NEK1: variants seen among roughly 807,000 people sequenced by gnomAD.
NEK1 encodes the protein serine/threonine-protein kinase Nek1.
A neutral mutation model predicts 182.1 loss-of-function variants in NEK1; 137 were observed. The ratio of observed to expected loss-of-function variants is 0.75; its 90% CI spans 0.65 to 0.87. The LOEUF is 0.87. Ranked by LOEUF, NEK1 falls within the 40% of genes least tolerant of loss-of-function variation. The pLI is 0.00. For synonymous variants in NEK1, 513 were observed against 492.2 expected (o/e 1.04, Z -0.56); for missense variants, 1,391 against 1,494.4 (o/e 0.93, Z 1.14).
chr4:169,405,546 G>A (rs1267301425), intron 32 of NEK1, among the ~76,000 whole-genome samples: 1 of 152,154 alleles, frequency 6.6e-6, no homozygotes, highest in African/African-American at 2.4e-5. Flanking sequence ...TGTAATCCTA[G>A]CTATTTGGGA....
chr4:169,492,016 C>A (rs1469778137), intron 23 of NEK1, among the ~76,000 whole-genome samples: 1 of 151,810 alleles, frequency 6.6e-6, no homozygotes, highest in African/African-American at 2.4e-5. Context: ...CAAATGAGAA[C>A]GAGAAAGGAA....
Position 169,400,645 on chromosome 4 carries a change from C to T in NEK1, c.3590G>A (p.Ser1197Asn). 1 of 1,580,272 alleles carries T rather than the reference C, an allele frequency of 6.3e-7. No homozygotes were observed. Among genetic ancestry groups the T allele is most frequent in the Non-Finnish European group, 8.6e-7 (1 of 1,162,558 alleles). Reference protein sequence around the residue: ...ALNEEWHSDNSDGEIASECEC... With the variant: ...ALNEEWHSDNNDGEIASECEC... ...ACATTCACTAGCAATTTCACCATCACTGTTATCTAAAAAACAAAATTAAAA... is the reference window on the plus strand; with the variant it reads ...ACATTCACTAGCAATTTCACCATCATTGTTATCTAAAAAACAAAATTAAAA... Residue 1197 changes from serine to asparagine, a missense_variant, in exon 34 of 36, where the codon AGT (serine) becomes AAT (asparagine). Physicochemically the swap from Ser to Asn is conservative, Grantham distance 46 (BLOSUM62 1). This residue lies in a region of NEK1 where 1,216 missense variants were observed against 1,277.6 expected (regional missense o/e 0.95). Coordinates refer to ENST00000507142, the MANE Select transcript of NEK1 (RefSeq NM_001199397.3).
chr4:169,499,979 C>T (rs1378357234), intron 23 of NEK1, among the ~76,000 whole-genome samples: 2 of 152,218 alleles, frequency 1.3e-5, no homozygotes, highest in South Asian at 2.1e-4. Flanking sequence ...TTTTGTTTGG[C>T]TATGCCCTGC....
At chr4:169,492,856 A>G (rs1750367468) in intron 23 of NEK1, among the ~76,000 whole-genome samples, 1 of 152,192 alleles carries the variant, frequency 6.6e-6, no homozygotes, top group Non-Finnish European at 1.5e-5. Flanking sequence ...CAAAGCCACC[A>G]ATGGGAAACA....
intron 18 of NEK1, among the ~76,000 whole-genome samples, chr4:169,553,105 A>G (rs943095297): frequency 2.0e-5 from 3 of 152,210 alleles, no homozygotes; most frequent in African/African-American, 7.2e-5. Flanking sequence ...AAAGAACCGG[A>G]ATAGCCAACT....
At chr4:169,553,038 C>T in intron 18 of NEK1, among the ~76,000 whole-genome samples, 1 of 152,130 alleles carries the variant, frequency 6.6e-6, no homozygotes, top group Non-Finnish European at 1.5e-5. Context: ...ATCAAAATCC[C>T]AGCATGTTAG....
chr4:169,562,782 G>T, intron 12 of NEK1, among the ~76,000 whole-genome samples: 1 of 151,872 alleles, frequency 6.6e-6, no homozygotes. Context: ...TAGCTTTAGG[G>T]GTACAAGTGG....
intron 27 of NEK1, among the ~76,000 whole-genome samples, chr4:169,452,503 T>C (rs1055839415): frequency 6.6e-6 from 1 of 152,322 alleles, no homozygotes; most frequent in East Asian, 1.9e-4. Context: ...GCAAGTCTGG[T>C]TCAACGTACA....
At chr4:169,460,122 G>C (rs1352711354) in intron 27 of NEK1, among the ~76,000 whole-genome samples, 1 of 152,010 alleles carries the variant, frequency 6.6e-6, no homozygotes, top group Non-Finnish European at 1.5e-5. Flanking sequence ...GTGTGTATGG[G>C]GGAAGGGCAT....
chr4:169,457,952 A>G (rs967115586), intron 27 of NEK1, among the ~76,000 whole-genome samples: 14 of 152,032 alleles, frequency 9.2e-5, no homozygotes, highest in Non-Finnish European at 2.1e-4. Flanking sequence ...ATGGACAGGA[A>G]GCTTCAATAT....
At chr4:169,536,633 T>TA (rs888698096) in intron 19 of NEK1, among the ~76,000 whole-genome samples, 1 of 150,706 alleles carries the variant, frequency 6.6e-6, no homozygotes, top group Non-Finnish European at 1.5e-5. Flanking sequence ...AAAGTTCCTC[T>TA]AAAAAAAAAT....
At chr4:169,595,113 CT>C (rs1439603189) in intron 5 of NEK1, among the ~76,000 whole-genome samples, 5 of 152,162 alleles carry the variant, frequency 3.3e-5, no homozygotes, top group Admixed American at 3.3e-4. Context: ...AGTTTCTGAC[CT>C]AACATTGCTT....
Position 169,508,810 on chromosome 4 carries a change from T to G in NEK1, c.1708A>C (p.Ser570Arg), listed in dbSNP as rs996608953. Residue 570 changes from serine to arginine, a missense_variant, in exon 20 of 36, where the codon AGC becomes CGC. Coordinates refer to ENST00000507142, the MANE Select transcript of NEK1 (RefSeq NM_001199397.3). ...NLAAMYGGRP[S>R]SSRGGKPRNK... ...CTTGGCTTCCCTCCTCTTGAAGAGC[T>G]GGGCCTGCCTCCATACATAGCTGCC... The G allele has an allele frequency of 6.3e-7, 1 of 1,591,348 alleles. No homozygotes were observed. The highest frequency in any genetic ancestry group is 1.3e-5 in the African/African-American group (1 of 74,860).
intron 23 of NEK1, among the ~76,000 whole-genome samples, chr4:169,505,369 C>A (rs1753076688): frequency 6.6e-6 from 1 of 151,954 alleles, no homozygotes; most frequent in Non-Finnish European, 1.5e-5. Context: ...GCATGAAGAC[C>A]TTTATGATGA....
intron 31 of NEK1, among the ~76,000 whole-genome samples, chr4:169,412,528 A>G (rs1733844706): frequency 6.6e-6 from 1 of 152,196 alleles, no homozygotes; most frequent in African/African-American, 2.4e-5. Context: ...ATTATCTTCT[A>G]CTATTGGACT....
chr4:169,491,035 T>A (rs10004634), intron 23 of NEK1, among the ~76,000 whole-genome samples: 2 of 149,118 alleles, frequency 1.3e-5, no homozygotes, highest in African/African-American at 4.9e-5. Context: ...CCCAGCTACT[T>A]GGGAGGCTGA....
At chr4:169,552,557 T>C (rs1561399200) in intron 18 of NEK1, among the ~76,000 whole-genome samples, 1 of 152,142 alleles carries the variant, frequency 6.6e-6, no homozygotes, top group South Asian at 2.1e-4. Context: ...CTTCTCAACA[T>C]TACTTTTCAA....
chr4:169,472,574 T>C (rs1746203782), intron 26 of NEK1, among the ~76,000 whole-genome samples: 1 of 152,180 alleles, frequency 6.6e-6, no homozygotes, highest in Non-Finnish European at 1.5e-5. Flanking sequence ...AGAGCTGTTC[T>C]TATTTGGCCA....
chr4:169,513,011 G>C (rs1754438529), intron 19 of NEK1, among the ~76,000 whole-genome samples: 2 of 152,128 alleles, frequency 1.3e-5, no homozygotes, highest in South Asian at 4.1e-4. Context: ...CTATAAGTTA[G>C]CCTCAAAATC....
Sources: allele counts gnomAD v4.1 joint callset (sites outside exome capture counted in the v4.1 genomes callset), GRCh38; gene constraint gnomAD v4.1.1; regional missense constraint gnomAD v4.1.1; transcripts MANE v1.5; gene names NCBI Gene and HGNC (gene_info 2026-07-23, HGNC 2026-07-21).